Variants in VSIG8 observed in about 807,000 individuals in gnomAD.
VSIG8 encodes V-set and immunoglobulin domain containing 8.
VSIG8 carries 32 observed loss-of-function variants against 42.6 expected under a neutral mutation model. That is an observed-to-expected ratio of 0.75 (90% confidence interval 0.57 to 1.01). The LOEUF is 1.01. Ranked by LOEUF, VSIG8 falls within the 50% of genes least tolerant of loss-of-function variation. VSIG8 has a pLI of 0.00. For missense variants in VSIG8, 529 were observed against 558.0 expected, an observed-to-expected ratio of 0.95 and a Z score of 0.52; for synonymous variants, 290 against 243.8, an observed-to-expected ratio of 1.19 and a Z score of -1.77.
At position 159,857,833 on chromosome 1, in the gene VSIG8, G is replaced by T; in HGVS notation, c.564C>A (p.Tyr188Ter). 6.2e-7 allele frequency: 1 copy of T among 1,614,216 alleles called. No homozygotes were observed. Among genetic ancestry groups the T allele is most frequent in the Non-Finnish European group, 8.5e-7 (1 of 1,180,038 alleles). The change falls in exon 4 of 7, where the codon TAC becomes TAA. Residue 188 changes from tyrosine to a stop codon, truncating the protein, a stop_gained. Coordinates refer to ENST00000368100, the MANE Select transcript of VSIG8 (RefSeq NM_001013661.1). LOFTEE classifies it high-confidence loss of function. ...YKWAKISGHH[Y>*]PYRAGSYTSQ... The stretch of plus-strand genomic sequence containing the variant: ...AGGTGTAAGACCCAGCTCGATAGGG[G>T]TAATGGTGCCCACTGATCTTGGCCC...
Position 159,857,756 on chromosome 1 carries a change from G to C in VSIG8, c.641C>G (p.Ser214Cys), listed in dbSNP as rs1648893261. Reference protein sequence around the residue: ...ELSYQESFHSSINQGLNNGDL... With the variant: ...ELSYQESFHSCINQGLNNGDL... ...CAGGGCCCTCTCACCTTGGTTTATG[G>C]AGCTGTGGAAGGACTCCTGGTAGGA... is the stretch of plus-strand genomic sequence containing the variant. Residue 214 changes from serine to cysteine, a missense_variant, in exon 4 of 7, where the codon TCC (serine) becomes TGC (cysteine). Coordinates refer to ENST00000368100, the MANE Select transcript of VSIG8 (RefSeq NM_001013661.1). 6.2e-7 allele frequency: 1 copy of C among 1,614,034 alleles called. No homozygotes were observed.
intron 2 of VSIG8, 80 bp from the exon 3 acceptor site, chr1:159,858,371 C>G (rs186095189): frequency 1.1e-4 from 159 of 1,414,524 alleles, no homozygotes; most frequent in Non-Finnish European, 1.4e-4. Context: ...TTGGGCAATT[C>G]ACTGAACTTC....
chr1:159,854,970 T>A lies in VSIG8; in HGVS notation c.1028A>T (p.His343Leu). ...KASGRGSRVTHLLGYPTQNVS... is the reference protein window; with the variant it reads ...KASGRGSRVTLLLGYPTQNVS... The stretch of plus-strand genomic sequence containing the variant: ...GTTCTGCGTCGGGTACCCCAGGAGG[T>A]GGGTGACGCGGCTGCCGCGCCCGCT... The change falls in exon 7 of 7, where the codon CAC becomes CTC. Residue 343 changes from histidine to leucine, a missense_variant. By Grantham distance (99) the His-to-Leu change is moderately conservative. Coordinates refer to ENST00000368100, the MANE Select transcript of VSIG8 (RefSeq NM_001013661.1). 2 of 1,549,700 alleles carry A rather than the reference T, an allele frequency of 1.3e-6. No individual in the cohort carries two copies. The highest frequency in any genetic ancestry group is 2.4e-5 in the South Asian group (2 of 84,850).
In VSIG8 at chr1:159,854,780, C is replaced by A; in HGVS notation, c.1218G>T (p.Val406=). The A allele has an allele frequency of 2.0e-6, 3 of 1,503,976 alleles. No individual in the cohort carries two copies. Among genetic ancestry groups the A allele is most frequent in the Non-Finnish European group, 1.8e-6 (2 of 1,133,828 alleles). The allele number at this position is 1,503,976 out of a possible 1,614,324, so 93.2% of individuals were successfully genotyped here. ...AEPADCAEGP[V]QCKNGLLV ...ACACCAAGAGGCCGTTCTTGCACTG[C>A]ACCGGCCCCTCGGCGCAGTCAGCCG... Residue 406 remains valine, a synonymous_variant, in exon 7 of 7, where the codon GTG becomes GTT. Transcript: ENST00000368100.
rs1557902249 is a variant in VSIG8, at chr1:159,855,084, C to T, written c.972-58G>A. The T allele has an allele frequency of 1.3e-5, 21 of 1,557,196 alleles. No homozygotes were observed. The South Asian group carries it at 2.0e-4, about 15-fold the overall frequency. On this transcript the variant is annotated intron_variant, in intron 6 of 6. Coordinates refer to ENST00000368100, the MANE Select transcript of VSIG8 (RefSeq NM_001013661.1). ...GCTGCTCCGCAGCGGGGCGTGGGCACGGCCTGGGCAGAGCCGGGGGCTCTT... is the reference window on the plus strand; with the variant it reads ...GCTGCTCCGCAGCGGGGCGTGGGCATGGCCTGGGCAGAGCCGGGGGCTCTT...
rs767682057 is a variant in VSIG8, at chr1:159,855,076, C to G, written c.972-50G>C. 12 of 1,560,222 alleles carry G rather than the reference C, an allele frequency of 7.7e-6. No homozygotes were observed. In the South Asian group the frequency reaches 1.3e-4, roughly 17 times the overall value. On this transcript the variant is annotated intron_variant, in intron 6 of 6. Coordinates refer to ENST00000368100, the MANE Select transcript of VSIG8 (RefSeq NM_001013661.1). Reference sequence around the variant, plus strand: ...GTGAGCGGGCTGCTCCGCAGCGGGGCGTGGGCACGGCCTGGGCAGAGCCGG... The same window carrying G: ...GTGAGCGGGCTGCTCCGCAGCGGGGGGTGGGCACGGCCTGGGCAGAGCCGG...
rs564650376 is a variant in VSIG8, at chr1:159,856,750, T to C, written c.653-107A>G. 1.4e-5 allele frequency: 21 copies of C among 1,464,110 alleles called. No individual in the cohort carries two copies. In the East Asian group the frequency reaches 4.4e-4, roughly 30 times the overall value. 90.7% of individuals were successfully genotyped at this position (1,464,110 alleles called of 1,614,324 possible). ...CCACTCTAGAAGAAGGGAAGGCTTATGCATGTGTGTACACCCACACCCACA... is the reference window on the plus strand; with the variant it reads ...CCACTCTAGAAGAAGGGAAGGCTTACGCATGTGTGTACACCCACACCCACA... On this transcript the variant is annotated intron_variant, in intron 4 of 6. Transcript: ENST00000368100.
Position 159,854,442 on chromosome 1 carries a change from A to G in VSIG8, c.*311T>C. The G allele has an allele frequency of 4.0e-6, 1 of 248,612 alleles. No homozygotes were observed. Among genetic ancestry groups the G allele is most frequent in the Non-Finnish European group, 7.2e-6 (1 of 138,206 alleles). 15.4% of individuals were successfully genotyped at this position (248,612 alleles called of 1,614,324 possible). The stretch of plus-strand genomic sequence containing the variant: ...CCGGGGCCCTCTGCTTAGGCTGGGG[A>G]CACCAGGCCTCCGGCCTCAGCCGCT... On this transcript the variant is annotated 3_prime_UTR_variant, in exon 7 of 7. Transcript: ENST00000368100.
In VSIG8 at chr1:159,854,473, A is replaced by T; in HGVS notation, c.*280T>A. The T allele has an allele frequency of 2.2e-6, 1 of 462,948 alleles. No homozygotes were observed. The highest frequency in any genetic ancestry group is 3.3e-6 in the Non-Finnish European group (1 of 300,752). The allele number at this position is 462,948 out of a possible 1,614,324, so 28.7% of individuals were successfully genotyped here. The stretch of plus-strand genomic sequence containing the variant: ...GGCCTCCGGCCTCAGCCGCTCTAGG[A>T]CACTCAGCCTCCTCCTCCCTCCCTC... On this transcript the variant is annotated 3_prime_UTR_variant, in exon 7 of 7. Coordinates refer to ENST00000368100, the MANE Select transcript of VSIG8 (RefSeq NM_001013661.1).
chr1:159,858,985 TC>T, intron 1 of VSIG8, 73 bp from the exon 2 acceptor site: 2 of 1,497,986 alleles, frequency 1.3e-6, no homozygotes, highest in Non-Finnish European at 1.8e-6. Context: ...TGTCAGCCCT[TC>T]CCTTCATATT....
In VSIG8 at chr1:159,858,837, A is replaced by C; in HGVS notation, c.125T>G (p.Leu42Arg). 6.2e-7 allele frequency: 1 copy of C among 1,614,104 alleles called. No homozygotes were observed. Among genetic ancestry groups the C allele is most frequent in the Non-Finnish European group, 8.5e-7 (1 of 1,179,998 alleles). Residue 42 changes from leucine (L) to arginine (R), a missense_variant, in exon 2 of 7, where the codon CTG becomes CGG. By Grantham distance (102) the Leu-to-Arg change is moderately radical (BLOSUM62 -2). Coordinates refer to ENST00000368100, the MANE Select transcript of VSIG8 (RefSeq NM_001013661.1). Reference sequence around the variant, plus strand: ...AGGGTCCAGGACGTAGGGGCAGCCCAGCCTCACATTATCACCTTCTGCCAG... The same window carrying C: ...AGGGTCCAGGACGTAGGGGCAGCCCCGCCTCACATTATCACCTTCTGCCAG... The part of the protein sequence containing the change: ...LYLAEGDNVR[L>R]GCPYVLDPED...
Position 159,858,737 on chromosome 1 carries a change from G to T in VSIG8, c.225C>A (p.Asn75Lys). The change falls in exon 2 of 7, where the codon AAC becomes AAA. Residue 75 changes from asparagine (N) to lysine (K), a missense_variant. Asn to Lys is a moderately conservative substitution (Grantham distance 94). Transcript: ENST00000368100. ...GACCCCTGTGCCCAGCACTCACCAC[G>T]TTCTCTCGGTGGTGGGCGGGGTCTG... Reference protein sequence around the residue: ...VNSDPAHHRENVFLSYQDKRI... With the variant: ...VNSDPAHHREKVFLSYQDKRI... 6.2e-7 allele frequency: 1 copy of T among 1,609,996 alleles called. No individual in the cohort carries two copies. Among genetic ancestry groups the T allele is most frequent in the Non-Finnish European group, 8.5e-7 (1 of 1,178,128 alleles).
At chr1:159,858,562 G>A (rs1442654703) in intron 2 of VSIG8, among the ~76,000 whole-genome samples, 172 bp downstream of exon 2, 1 of 152,234 alleles carries the variant, frequency 6.6e-6, no homozygotes, top group Non-Finnish European at 1.5e-5. Flanking sequence ...GGAGGAGGTA[G>A]ACTGACTGGC....
intron 4 of VSIG8, 76 bp from the exon 5 acceptor site, chr1:159,856,719 G>A: frequency 3.2e-6 from 5 of 1,567,796 alleles, no homozygotes; most frequent in Non-Finnish European, 4.3e-6. Flanking sequence ...GTGGGGGATG[G>A]GACACCCACT....
Position 159,857,946 on chromosome 1 carries a change from A to G in VSIG8, c.451T>C (p.Cys151Arg). 1 of 1,614,152 alleles carries G rather than the reference A, an allele frequency of 6.2e-7. No individual in the cohort carries two copies. Among genetic ancestry groups the G allele is most frequent in the Non-Finnish European group, 8.5e-7 (1 of 1,179,990 alleles). The change falls in exon 4 of 7, where the codon TGC becomes CGC. Residue 151 changes from cysteine to arginine, a missense_variant. By Grantham distance (180) the Cys-to-Arg change is radical. Transcript: ENST00000368100. The part of the protein sequence containing the change: ...TVQARPAVPM[C>R]WTEGHMTYGN... Reference sequence around the variant, plus strand: ...TATGTCATGTGGCCCTCTGTCCAGCACATGGGCACTGCAGGTCGTGCTGCA... The same window carrying G: ...TATGTCATGTGGCCCTCTGTCCAGCGCATGGGCACTGCAGGTCGTGCTGCA...
chr1:159,854,582 G>A lies in VSIG8; in HGVS notation c.*171C>T. 8.1e-7 allele frequency: 1 copy of A among 1,231,666 alleles called. No individual in the cohort carries two copies. The highest frequency in any genetic ancestry group is 3.2e-5 in the East Asian group (1 of 31,322). The allele number at this position is 1,231,666 out of a possible 1,614,324, so 76.3% of individuals were successfully genotyped here. A position where few individuals can be genotyped will look rare whatever the true frequency, so the allele number is the denominator to read the frequency against. ...CTCGCCCGCCCCTTCCCACTTTTGG[G>A]GAGGAGGCTCTGCCTCCCTACGCAT... On this transcript the variant is annotated 3_prime_UTR_variant, in exon 7 of 7. Coordinates refer to ENST00000368100, the MANE Select transcript of VSIG8 (RefSeq NM_001013661.1).
In VSIG8 at chr1:159,855,168, C is replaced by T. The variant is rs555336700; in HGVS notation, c.972-142G>A. On this transcript the variant is annotated intron_variant, in intron 6 of 6. Transcript: ENST00000368100. Reference sequence around the variant, plus strand: ...TGCCCTCGTCTCTCTCCCTCGGCCTCGACCTACTGTCCTTTGTGACCCTTC... The same window carrying T: ...TGCCCTCGTCTCTCTCCCTCGGCCTTGACCTACTGTCCTTTGTGACCCTTC... 300 of 1,551,698 alleles carry T rather than the reference C, an allele frequency of 1.9e-4. 9 individuals carry two copies. The South Asian group carries it at 3.3e-3, about 17-fold the overall frequency.
At chr1:159,861,899 G>C (rs1649035898) in intron 1 of VSIG8, 1 of 152,368 alleles carries the variant, frequency 6.6e-6, no homozygotes, top group Admixed American at 6.5e-5. Flanking sequence ...TCATAGCACA[G>C]GGGGCCCAAG....
intron 1 of VSIG8, among the ~76,000 whole-genome samples, 153 bp from the exon 2 acceptor site, chr1:159,859,065 A>ATGTG (rs1355122027): frequency 1.3e-5 from 2 of 152,040 alleles, no homozygotes; most frequent in Non-Finnish European, 2.9e-5. Context: ...GTGGGTGTGT[A>ATGTG]TGTGTGTGTG....
Sources: allele counts gnomAD v4.1 joint callset (sites outside exome capture counted in the v4.1 genomes callset), GRCh38; gene constraint gnomAD v4.1.1; transcripts MANE v1.5; gene names NCBI Gene and HGNC (gene_info 2026-07-23, HGNC 2026-07-21).